The following TM2D1 variants were observed in gnomAD, a reference collection of about 807,000 sequenced individuals.
TM2D1 encodes the protein TM2 domain containing 1.
A neutral mutation model predicts 28.4 loss-of-function variants in TM2D1; 15 were observed. That is an observed-to-expected ratio of 0.53 (90% CI 0.35 to 0.81). The LOEUF is 0.81. TM2D1 is among the 40% of genes least tolerant of loss of function. The pLI is 0.01. For synonymous variants in TM2D1, 93 were observed against 96.2 expected, an observed-to-expected ratio of 0.97 and a Z score of 0.20; for missense variants, 236 against 254.9, an observed-to-expected ratio of 0.93 and a Z score of 0.50.
chr1:61,687,885 C>T (rs571642253), intron 5 of TM2D1, among the ~76,000 whole-genome samples: 16 of 152,304 alleles, frequency 1.1e-4, no homozygotes, highest in Admixed American at 4.6e-4. Flanking sequence ...GCTAATGCAA[C>T]CTGTATCCAT....
At chr1:61,713,937 G>A (rs369436094) in intron 2 of TM2D1, among the ~76,000 whole-genome samples, 1,586 of 138,684 alleles carry the variant, frequency 0.011, 31 homozygotes, top group African/African-American at 0.04. Context: ...CGCCCAGGCC[G>A]GACTGCGGAC....
At chr1:61,692,014 T>G (rs1644331784) in intron 5 of TM2D1, among the ~76,000 whole-genome samples, 1 of 144,534 alleles carries the variant, frequency 6.9e-6, no homozygotes, top group Non-Finnish European at 1.5e-5. Context: ...AAAACTACCT[T>G]ATGAATAACC....
rs1375716164 is a variant in TM2D1, at chr1:61,709,399, A to T, written c.277T>A (p.Ser93Thr). The T allele has an allele frequency of 6.2e-7, 1 of 1,613,554 alleles. No homozygotes were observed. The highest frequency in any genetic ancestry group is 1.3e-5 in the African/African-American group (1 of 75,050). Residue 93 changes from serine to threonine, a missense_variant, in exon 3 of 7, where the codon TCC becomes ACC. Ser to Thr is a moderately conservative substitution (Grantham distance 58). Around this residue, in one of 3 missense-constraint regions of TM2D1, gnomAD observed 167 missense variants for 162.7 expected, o/e 1.03. Transcript: ENST00000606498. ...GTAAAATGTGTTTCATTGCCACTGG[A>T]ATCCTTACAAGTTATGTTGGGTGCT... ...FPAPNITCKD[S>T]SGNETHFTGN...
intron 3 of TM2D1, among the ~76,000 whole-genome samples, chr1:61,704,637 G>A (rs192037800): frequency 1.3e-5 from 2 of 152,168 alleles, no homozygotes; most frequent in African/African-American, 4.8e-5. Context: ...TCACCTTGTT[G>A]GCCAGGCTGG....
chr1:61,716,178 G>C (rs1376572443), intron 2 of TM2D1, among the ~76,000 whole-genome samples: 1 of 151,030 alleles, frequency 6.6e-6, no homozygotes, highest in East Asian at 2.0e-4. Flanking sequence ...AATTAGCCAG[G>C]CATGGTGGCA....
chr1:61,702,276 G>A (rs568749383), intron 3 of TM2D1, among the ~76,000 whole-genome samples: 69 of 151,784 alleles, frequency 4.5e-4, no homozygotes, highest in Non-Finnish European at 8.2e-4. Context: ...AGACAAAGGA[G>A]GAAAGGATTT....
intron 2 of TM2D1, among the ~76,000 whole-genome samples, chr1:61,711,882 A>G (rs993092193): frequency 1.3e-5 from 2 of 152,006 alleles, no homozygotes; most frequent in African/African-American, 4.8e-5. Flanking sequence ...CTGAAAGGAG[A>G]TCAACATGGT....
intron 3 of TM2D1, among the ~76,000 whole-genome samples, chr1:61,707,034 C>T (rs557724760): frequency 1.3e-5 from 2 of 152,080 alleles, no homozygotes; most frequent in Non-Finnish European, 1.5e-5. Context: ...GCGGGCTGAT[C>T]GCTTGAGCCC....
intron 2 of TM2D1, among the ~76,000 whole-genome samples, chr1:61,711,365 A>T (rs936990958): frequency 1.3e-5 from 2 of 150,822 alleles, no homozygotes; most frequent in East Asian, 2.0e-4. Context: ...ATACAAAGAG[A>T]TGTGGACAGA....
intron 5 of TM2D1, among the ~76,000 whole-genome samples, chr1:61,686,331 T>C (rs544605690): frequency 9.2e-5 from 14 of 152,164 alleles, no homozygotes; most frequent in African/African-American, 2.4e-4. Context: ...AGATCAGCTA[T>C]AAAGATGTCA....
chr1:61,710,463 CAT>C (rs1237520200), intron 2 of TM2D1, among the ~76,000 whole-genome samples: 4,421 of 78,800 alleles, frequency 0.056, 253 homozygotes, highest in African/African-American at 0.18. Flanking sequence ...TATATATATA[CAT>C]ATATATATAT....
At chr1:61,692,071 G>A (rs568346904) in intron 5 of TM2D1, among the ~76,000 whole-genome samples, 2 of 149,424 alleles carry the variant, frequency 1.3e-5, no homozygotes, top group African/African-American at 4.9e-5. Flanking sequence ...ACCCACAGCT[G>A]AAAGATGGTA....
rs773741183 is a variant in TM2D1, at chr1:61,725,089, G to GCAGACGGAC, written c.23_31dup (p.Gly8_Ser10dup). The GCAGACGGAC allele has an allele frequency of 1.2e-4, 189 of 1,613,814 alleles. No homozygotes were observed. Among genetic ancestry groups the GCAGACGGAC allele is most frequent in the Admixed American group, 5.5e-4 (33 of 60,028 alleles). Reference sequence around the variant, plus strand: ...GAGTCTGGCCGTCACGGCCTCCGGAGCAGACGGACCAGACGGCCAGGCGGC... The same window carrying GCAGACGGAC: ...GAGTCTGGCCGTCACGGCCTCCGGAGCAGACGGACCAGACGGACCAGACGGCCAGGCGGC... On this transcript the variant is annotated inframe_insertion, in exon 1 of 7. Coordinates refer to ENST00000606498, the MANE Select transcript of TM2D1 (RefSeq NM_032027.3).
chr1:61,720,031 G>A (rs1050275265), intron 2 of TM2D1, among the ~76,000 whole-genome samples: 2 of 152,160 alleles, frequency 1.3e-5, no homozygotes, highest in Admixed American at 6.5e-5. Flanking sequence ...CAGGTGTGTC[G>A]TTTGTGAAAA....
At chr1:61,683,367 A>ACCAC in intron 6 of TM2D1, 50 bp downstream of exon 6, 1 of 582,438 alleles carries the variant, frequency 1.7e-6, no homozygotes, top group South Asian at 5.5e-5. Flanking sequence ...ATAATTTTAT[A>ACCAC]TGAATAATAT....
chr1:61,703,753 T>C (rs1644420909), intron 3 of TM2D1, among the ~76,000 whole-genome samples: 1 of 104,346 alleles, frequency 9.6e-6, no homozygotes, highest in Non-Finnish European at 1.9e-5. Flanking sequence ...TATATATATA[T>C]ATGCATTTTT....
Position 61,705,162 on chromosome 1 carries a change from G to C in TM2D1, c.348-4137C>G, listed in dbSNP as rs150244657. On this transcript the variant is annotated intron_variant, in intron 3 of 6. Transcript: ENST00000606498. ...AGTAAATCACCCTAAAGAATAATCT[G>C]AAAACTGGTAGTATAGCAGAGATTA... 3.9e-5 allele frequency among the ~76,000 whole-genome samples: 6 copies of C among 152,208 alleles called. 1 individual carries two copies. In the East Asian group the frequency reaches 1.2e-3, roughly 29 times the overall value.
intron 2 of TM2D1, among the ~76,000 whole-genome samples, chr1:61,721,115 C>T (rs1220915974): frequency 6.6e-6 from 1 of 151,996 alleles, no homozygotes; most frequent in African/African-American, 2.4e-5. Context: ...CCTGTAGTCC[C>T]AGCTACTCAA....
At chr1:61,716,246 G>A (rs1238771885) in intron 2 of TM2D1, among the ~76,000 whole-genome samples, 1 of 151,048 alleles carries the variant, frequency 6.6e-6, no homozygotes, top group African/African-American at 2.4e-5. Flanking sequence ...TTGAGCCTAG[G>A]AGATCCAGGC....
Sources: gnomAD v4.1 joint callset for allele counts (sites outside exome capture counted in the v4.1 genomes callset) on GRCh38, gnomAD v4.1.1 for gene constraint, gnomAD v4.1.1 regional missense constraint, MANE v1.5 for transcripts, NCBI Gene and HGNC (gene_info 2026-07-23, HGNC 2026-07-21) for gene names.